Variants in KCNH1 observed in about 807,000 individuals in gnomAD.
KCNH1 encodes the protein potassium voltage-gated channel subfamily H member 1.
In KCNH1, 27 loss-of-function variants were observed where a neutral mutation model predicts 69.2. The observed-to-expected ratio is 0.39, with a 90% CI of 0.29 to 0.54. KCNH1 has a LOEUF of 0.54. KCNH1 is among the 20% of genes least tolerant of loss of function. KCNH1 has a pLI of 0.68. For missense variants in KCNH1, 798 were observed against 1,261.6 expected, an observed-to-expected ratio of 0.63 and a Z score of 5.57; for synonymous variants, 456 against 487.7, an observed-to-expected ratio of 0.93 and a Z score of 0.86.
At chr1:210,972,291 T>C (rs923400485) in intron 6 of KCNH1, among the ~76,000 whole-genome samples, 12 of 152,102 alleles carry the variant, frequency 7.9e-5, no homozygotes, top group African/African-American at 2.9e-4. Flanking sequence ...CTGCCTCCCA[T>C]TCTGGTTTCT....
At chr1:210,860,813 T>C (rs1024722388) in intron 7 of KCNH1, 2 of 888,632 alleles carry the variant, frequency 2.3e-6, no homozygotes, top group African/African-American at 1.6e-5. Flanking sequence ...TTCTGATCAC[T>C]TTTGAACTTT....
intron 6 of KCNH1, among the ~76,000 whole-genome samples, chr1:210,991,896 C>T (rs1688945732): frequency 6.6e-6 from 1 of 152,150 alleles, no homozygotes; most frequent in African/African-American, 2.4e-5. Flanking sequence ...AGATTGGGGC[C>T]TCCCCTTTTA....
At chr1:210,746,025 A>G (rs931242076) in intron 10 of KCNH1, among the ~76,000 whole-genome samples, 3 of 152,170 alleles carry the variant, frequency 2.0e-5, no homozygotes, top group Admixed American at 2.0e-4. Context: ...AGCCACACAC[A>G]CAGAGAGAGG....
chr1:210,842,586 C>T (rs919873729), intron 7 of KCNH1, among the ~76,000 whole-genome samples: 8 of 152,160 alleles, frequency 5.3e-5, no homozygotes, highest in African/African-American at 1.7e-4. Flanking sequence ...ACATTTATTA[C>T]TCATACCCGT....
At chr1:211,019,394 T>C in intron 5 of KCNH1, 138 bp from the exon 6 acceptor site, 1 of 606,880 alleles carries the variant, frequency 1.6e-6, no homozygotes, top group South Asian at 2.1e-5. Context: ...ATGAAAGAAG[T>C]ATGGGAGAAT....
chr1:211,130,554 G>A (rs1691858191), intron 1 of KCNH1, among the ~76,000 whole-genome samples: 1 of 152,264 alleles, frequency 6.6e-6, no homozygotes, highest in South Asian at 2.1e-4. Context: ...ATAAATCTTT[G>A]TTGAATGAAT....
intron 4 of KCNH1, among the ~76,000 whole-genome samples, chr1:211,086,029 T>C (rs1384534246): frequency 6.6e-6 from 1 of 152,184 alleles, no homozygotes; most frequent in East Asian, 1.9e-4. Context: ...TATTAGATCA[T>C]TGACTGTGCT....
intron 9 of KCNH1, among the ~76,000 whole-genome samples, chr1:210,796,154 C>CAAAAAA (rs34606473): frequency 3.6e-4 from 48 of 134,180 alleles, no homozygotes; most frequent in South Asian, 1.5e-3. Flanking sequence ...GATTCCGTCT[C>CAAAAAA]AAAAAAAAAA....
At chr1:210,911,334 T>C (rs1219232500) in intron 7 of KCNH1, among the ~76,000 whole-genome samples, 1 of 152,186 alleles carries the variant, frequency 6.6e-6, no homozygotes, top group African/African-American at 2.4e-5. Context: ...ACTCATCTCA[T>C]TGACTCATCT....
chr1:210,858,034 T>C (rs1315873252), intron 7 of KCNH1: 1 of 152,222 alleles, frequency 6.6e-6, no homozygotes, highest in Non-Finnish European at 1.5e-5. Context: ...TTTCTAGGTA[T>C]AGGATTAAAA....
intron 10 of KCNH1, among the ~76,000 whole-genome samples, chr1:210,705,008 T>C (rs543696456): frequency 1.2e-4 from 18 of 152,184 alleles, no homozygotes; most frequent in African/African-American, 4.1e-4. Context: ...AGGGGGTCCT[T>C]GGTCTGAATT....
chr1:211,121,282 C>T (rs1691678498), intron 1 of KCNH1, among the ~76,000 whole-genome samples: 1 of 152,178 alleles, frequency 6.6e-6, no homozygotes, highest in African/African-American at 2.4e-5. Flanking sequence ...TCAAACTACA[C>T]TACGAGGCTA....
chr1:210,722,002 C>T (rs1345024435), intron 10 of KCNH1, among the ~76,000 whole-genome samples: 1 of 152,166 alleles, frequency 6.6e-6, no homozygotes, highest in Non-Finnish European at 1.5e-5. Flanking sequence ...CCACTTCCCT[C>T]CACTGCCAAT....
rs535352335 is a variant in KCNH1, at chr1:210,917,068, A to C, written c.1462+2572T>G. On this transcript the variant is annotated intron_variant, in intron 7 of 10. Transcript: ENST00000271751. ...GAGGCTAAGGCAGGAGAATCACTTG[A>C]ACCCAAGAAGCAGAGGTTGCAGTGA... Among the ~76,000 whole-genome samples the C allele has an allele frequency of 3.9e-5, 6 of 151,946 alleles. No individual in the cohort carries two copies. The South Asian group carries it at 1.3e-3, about 32-fold the overall frequency.
intron 7 of KCNH1, among the ~76,000 whole-genome samples, chr1:210,836,844 T>C (rs1480361380): frequency 1.3e-5 from 2 of 152,178 alleles, no homozygotes; most frequent in Admixed American, 1.3e-4. Context: ...ATGCATATCC[T>C]GGAGAAGCAG....
At chr1:210,952,324 T>C (rs929808162) in intron 6 of KCNH1, among the ~76,000 whole-genome samples, 1 of 152,188 alleles carries the variant, frequency 6.6e-6, no homozygotes, top group East Asian at 1.9e-4. Context: ...TTCTCCCTGG[T>C]GCATAACTCC....
chr1:210,801,492 A>G (rs1158819557), intron 8 of KCNH1, among the ~76,000 whole-genome samples: 1 of 152,222 alleles, frequency 6.6e-6, no homozygotes, highest in Admixed American at 6.5e-5. Flanking sequence ...CATCTGGACC[A>G]GCACCTGGGG....
intron 10 of KCNH1, among the ~76,000 whole-genome samples, chr1:210,772,371 C>A (rs533528404): frequency 6.6e-6 from 1 of 152,246 alleles, no homozygotes; most frequent in South Asian, 2.1e-4. Context: ...ATACACTTTA[C>A]TTTACCAGGA....
At position 211,080,756 on chromosome 1, in the gene KCNH1, G is replaced by A. The variant is rs532731125; in HGVS notation, c.558+2024C>T. On this transcript the variant is annotated intron_variant, in intron 5 of 10. Transcript: ENST00000271751. ...TTAATAAATGGTGCTGGGAAAACTG[G>A]CTAGCCATATTGGAAAGCTGAAACT... 1.5e-3 allele frequency among the ~76,000 whole-genome samples: 234 copies of A among 152,262 alleles called. 3 individuals are homozygous for A. Among genetic ancestry groups the A allele is most frequent in the Admixed American group, 4.1e-3 (63 of 15,292 alleles).
Sources: gnomAD v4.1 joint callset for allele counts (sites outside exome capture counted in the v4.1 genomes callset) on GRCh38, gnomAD v4.1.1 for gene constraint, MANE v1.5 for transcripts, NCBI Gene and HGNC (gene_info 2026-07-23, HGNC 2026-07-21) for gene names.